The following CALN1 variants were observed in gnomAD, a reference collection of about 807,000 sequenced individuals.
CALN1 encodes calneuron 1, also known as calcium-binding protein 8.
In CALN1, 17 loss-of-function variants were observed where a neutral mutation model predicts 30.6. The ratio of observed to expected loss-of-function variants is 0.56; its 90% CI spans 0.38 to 0.83. The LOEUF (loss-of-function observed/expected upper bound fraction) is 0.83. Among genes scored for constraint, CALN1 ranks in the 40% least tolerant of loss-of-function variants. The probability of loss-of-function intolerance (pLI) is 0.00; values close to 1 mark genes in which losing one functional copy is unlikely to be tolerated. For missense variants in CALN1, 291 were observed against 354.9 expected (o/e 0.82, Z 1.45); for synonymous variants, 156 against 131.4 (o/e 1.19, Z -1.28).
chr7:72,224,470 C>G (rs1793528761), intron 3 of CALN1, among the ~76,000 whole-genome samples: 1 of 152,150 alleles, frequency 6.6e-6, no homozygotes, highest in South Asian at 2.1e-4. Context: ...TAAAGGAAGA[C>G]CCAGCCGTGC....
intron 3 of CALN1, among the ~76,000 whole-genome samples, chr7:72,180,825 C>T (rs542821800): frequency 3.3e-5 from 5 of 151,696 alleles, no homozygotes; most frequent in Non-Finnish European, 5.9e-5. Context: ...TGGCCAAGCA[C>T]GGTGGCTCAC....
intron 2 of CALN1, among the ~76,000 whole-genome samples, chr7:72,299,960 C>T (rs1292907125): frequency 6.6e-6 from 1 of 151,956 alleles, no homozygotes; most frequent in Admixed American, 6.6e-5. Context: ...AGCAGTGGCA[C>T]GATCTCTGCC....
intron 1 of CALN1, among the ~76,000 whole-genome samples, chr7:72,410,628 G>A (rs1275619362): frequency 2.6e-5 from 4 of 152,130 alleles, no homozygotes; most frequent in African/African-American, 9.7e-5. Context: ...TCATGTCCTG[G>A]CTTAAATTCG....
At chr7:72,474,260 C>T in the CALN1 span, among the ~76,000 whole-genome samples, 1 of 152,138 alleles carries the variant, frequency 6.6e-6, no homozygotes, top group Non-Finnish European at 1.5e-5. Flanking sequence ...AACAATGCTC[C>T]TGTGTGGCAT....
intron 5 of CALN1, among the ~76,000 whole-genome samples, chr7:71,909,137 C>G (rs1794295475): frequency 6.6e-6 from 1 of 152,108 alleles, no homozygotes; most frequent in Non-Finnish European, 1.5e-5. Flanking sequence ...CCACCTCAGC[C>G]TCCTGAGTAG....
At chr7:72,038,942 T>C (rs1801966211) in intron 4 of CALN1, among the ~76,000 whole-genome samples, 1 of 152,180 alleles carries the variant, frequency 6.6e-6, no homozygotes, top group South Asian at 2.1e-4. Flanking sequence ...CGTTCTTTTA[T>C]TCCTTTACTT....
At chr7:72,405,763 C>G (rs1473686123) in intron 1 of CALN1, among the ~76,000 whole-genome samples, 1 of 152,076 alleles carries the variant, frequency 6.6e-6, no homozygotes, top group African/African-American at 2.4e-5. Flanking sequence ...TTTTAGTTGC[C>G]ATGGCAGTCC....
intron 4 of CALN1, among the ~76,000 whole-genome samples, chr7:72,083,529 A>G (rs1408166695): frequency 6.6e-6 from 1 of 152,124 alleles, no homozygotes; most frequent in Non-Finnish European, 1.5e-5. Context: ...GGCTGCATCG[A>G]GCTATGATCA....
intron 3 of CALN1, among the ~76,000 whole-genome samples, chr7:72,184,299 C>T (rs34310286): frequency 2.0e-5 from 3 of 152,222 alleles, no homozygotes; most frequent in Admixed American, 1.3e-4. Flanking sequence ...CCCTTACTAC[C>T]TCTGTGGCCT....
intron 5 of CALN1, among the ~76,000 whole-genome samples, chr7:72,015,789 T>C (rs1800344812): frequency 1.3e-5 from 2 of 152,094 alleles, no homozygotes; most frequent in Admixed American, 1.3e-4. Flanking sequence ...ATGCTGCTGG[T>C]CCAGGAACCA....
At chr7:72,271,695 A>G (rs1797006714) in intron 3 of CALN1, among the ~76,000 whole-genome samples, 1 of 150,554 alleles carries the variant, frequency 6.6e-6, no homozygotes. Flanking sequence ...ATGGGTACCA[A>G]GGCAGTGATG....
chr7:72,220,042 T>G (rs1048490098), intron 3 of CALN1, among the ~76,000 whole-genome samples: 7 of 152,060 alleles, frequency 4.6e-5, no homozygotes, highest in Non-Finnish European at 7.4e-5. Context: ...TAATTTTTTT[T>G]GTTTTATTAT....
At chr7:72,478,287 T>G in the CALN1 span, among the ~76,000 whole-genome samples, 1 of 147,680 alleles carries the variant, frequency 6.8e-6, no homozygotes, top group African/African-American at 2.5e-5. Flanking sequence ...TTATATATAC[T>G]TTATATAAAT....
intron 4 of CALN1, among the ~76,000 whole-genome samples, chr7:72,062,776 G>A (rs750408333): frequency 1.1e-4 from 16 of 152,000 alleles, no homozygotes; most frequent in Non-Finnish European, 2.4e-4. Flanking sequence ...ACTCACCAAC[G>A]AAGAAAGACA....
chr7:72,297,797 G>A (rs1291037851), intron 2 of CALN1, among the ~76,000 whole-genome samples: 5 of 152,140 alleles, frequency 3.3e-5, no homozygotes, highest in African/African-American at 1.2e-4. Context: ...GCATGCCAAG[G>A]TTTTTGCTGA....
At chr7:71,992,383 G>C (rs1158009885) in intron 5 of CALN1, among the ~76,000 whole-genome samples, 1 of 152,014 alleles carries the variant, frequency 6.6e-6, no homozygotes, top group African/African-American at 2.4e-5. Flanking sequence ...CTTAGAGAAA[G>C]AGCCTCATTG....
rs139234067 is a variant in CALN1, at chr7:71,808,437, G to C, written c.658+1899C>G. ...TAATAAACATAATACTTGCAGTATGGTTATTAATAAATATAATTGCTATTA... is the reference window on the plus strand; with the variant it reads ...TAATAAACATAATACTTGCAGTATGCTTATTAATAAATATAATTGCTATTA... On this transcript the variant is annotated intron_variant, in intron 6 of 6. Coordinates refer to ENST00000395275, the MANE Select transcript of CALN1 (RefSeq NM_031468.4). 1.1e-4 allele frequency among the ~76,000 whole-genome samples: 17 copies of C among 151,332 alleles called. No homozygotes were observed. In the East Asian group the frequency reaches 3.3e-3, roughly 29 times the overall value.
intron 2 of CALN1, among the ~76,000 whole-genome samples, chr7:72,350,970 A>G (rs1231114926): frequency 6.6e-6 from 1 of 151,704 alleles, no homozygotes; most frequent in African/African-American, 2.4e-5. Context: ...GTGAAACCCC[A>G]TCTCTACTAA....
At chr7:72,400,626 T>C (rs375377251) in intron 2 of CALN1, among the ~76,000 whole-genome samples, 2 of 152,104 alleles carry the variant, frequency 1.3e-5, no homozygotes, top group Admixed American at 6.6e-5. Flanking sequence ...TCCCAGCACT[T>C]TGGGAGGCCA....
Sources: gnomAD v4.1 joint callset for allele counts (sites outside exome capture counted in the v4.1 genomes callset) on GRCh38, gnomAD v4.1.1 for gene constraint, MANE v1.5 for transcripts, NCBI Gene and HGNC (gene_info 2026-07-23, HGNC 2026-07-21) for gene names.